KCNG2: variants seen among roughly 807,000 people sequenced by gnomAD.
KCNG2 encodes the protein voltage-gated potassium channel regulatory subunit KCNG2.
Under a neutral mutation model 12.3 loss-of-function variants are expected in KCNG2, and 7 were observed. The observed-to-expected ratio is 0.57, with a 90% CI of 0.32 to 1.07. The LOEUF (loss-of-function observed/expected upper bound fraction) is 1.07. KCNG2 is among the 50% of genes least tolerant of loss of function. The probability of loss-of-function intolerance (pLI) is 0.04; values close to 1 mark genes in which losing one functional copy is unlikely to be tolerated. For missense variants in KCNG2, 703 were observed against 726.0 expected (o/e 0.97, Z 0.36); for synonymous variants, 414 against 351.4 (o/e 1.18, Z -1.99).
At chr18:79,829,558 G>A (rs373927987) in intron 1 of KCNG2, among the ~76,000 whole-genome samples, 4 of 151,982 alleles carry the variant, frequency 2.6e-5, no homozygotes, top group South Asian at 2.1e-4. Context: ...GCCTCACATC[G>A]GTCCGTCTCT....
intron 3 of KCNG2, among the ~76,000 whole-genome samples, chr18:79,896,948 C>T (rs534141317): frequency 3.3e-5 from 5 of 152,216 alleles, no homozygotes; most frequent in African/African-American, 9.6e-5. Flanking sequence ...GTAAGTCAGC[C>T]GTTTATTTGT....
intron 1 of KCNG2, chr18:79,816,323 G>C (rs1436735011): frequency 1.3e-5 from 2 of 152,238 alleles, no homozygotes; most frequent in Non-Finnish European, 2.9e-5. Flanking sequence ...ACTTGGTAGC[G>C]GGGTCCTGAC....
Position 79,863,820 on chromosome 18 carries a change from C to T in KCNG2, c.153C>T (p.Gly51=), listed in dbSNP as rs760697442. The T allele has an allele frequency of 5.8e-6, 8 of 1,374,920 alleles. No homozygotes were observed. The South Asian group carries it at 1.2e-4, about 20-fold the overall frequency. The allele number at this position is 1,374,920 out of a possible 1,614,324, so 85.2% of individuals were successfully genotyped here. A position where few individuals can be genotyped will look rare whatever the true frequency, so the allele number is the denominator to read the frequency against. Residue 51 remains glycine, a synonymous_variant, in exon 3 of 4, where the codon GGC becomes GGT. Transcript: ENST00000316249. ...ARLERLRACR[G]HDDLLRVCDD... ...TGGAGCGCCTGCGCGCCTGCCGCGG[C>T]CACGACGACCTGCTGCGCGTGTGTG... is the stretch of plus-strand genomic sequence containing the variant.
Position 79,882,587 on chromosome 18 carries a change from T to A in KCNG2, c.625-16453T>A, listed in dbSNP as rs1356242981. On this transcript the variant is annotated intron_variant, in intron 3 of 3. Coordinates refer to ENST00000316249, the MANE Select transcript of KCNG2 (RefSeq NM_012283.2). Reference sequence around the variant, plus strand: ...TGGCAAATACAGCGCTGAACTGTTATTAGGGAAATACAGAGTTAAGCCACA... The same window carrying A: ...TGGCAAATACAGCGCTGAACTGTTAATAGGGAAATACAGAGTTAAGCCACA... Among the ~76,000 whole-genome samples the A allele has an allele frequency of 2.0e-5, 3 of 152,238 alleles. No homozygotes were observed. The East Asian group carries it at 5.8e-4, about 29-fold the overall frequency.
Position 79,899,411 on chromosome 18 carries a change from C to G in KCNG2, c.996C>G (p.Ala332=), listed in dbSNP as rs974406420. The G allele has an allele frequency of 4.4e-6, 7 of 1,585,862 alleles. No individual in the cohort carries two copies. In the African/African-American group the frequency reaches 9.5e-5, roughly 22 times the overall value. ...FGLLLLFLCV[A]MALFAPLVHL... is the part of the protein sequence containing the mutation. The stretch of plus-strand genomic sequence containing the variant: ...TGCTGCTGCTGTTCCTCTGCGTGGC[C>G]ATGGCGCTCTTCGCGCCACTGGTGC... The change falls in exon 4 of 4, where the codon GCC becomes GCG. Residue 332 remains alanine (A), a synonymous_variant. Transcript: ENST00000316249.
At chr18:79,833,064 ATTAC>A (rs753922177) in intron 1 of KCNG2, among the ~76,000 whole-genome samples, 1 of 152,154 alleles carries the variant, frequency 6.6e-6, no homozygotes, top group Non-Finnish European at 1.5e-5. Flanking sequence ...ATTTTTTCTT[ATTAC>A]TTCAGTGTTC....
At chr18:79,872,023 C>T (rs1320609763) in intron 3 of KCNG2, among the ~76,000 whole-genome samples, 2 of 152,146 alleles carry the variant, frequency 1.3e-5, no homozygotes, top group Admixed American at 1.3e-4. Flanking sequence ...GCACGTGCGG[C>T]CGGCCGCACA....
At chr18:79,837,053 C>A (rs928590298) in intron 1 of KCNG2, among the ~76,000 whole-genome samples, 9 of 152,166 alleles carry the variant, frequency 5.9e-5, no homozygotes, top group Non-Finnish European at 1.3e-4. Context: ...ACCTATGAAC[C>A]TGTAAAATCA....
intron 3 of KCNG2, among the ~76,000 whole-genome samples, chr18:79,866,594 TTGCTGAGGTCTGGG>T (rs1209784367): frequency 3.3e-5 from 3 of 91,752 alleles, no homozygotes; most frequent in African/African-American, 8.3e-5. Flanking sequence ...AGAGGTCTGG[TTGCTGAGGTCTGGG>T]TGCTGAGAGG....
rs1404542664 is a variant in KCNG2 at position 79,800,714 on chromosome 18, GGGCTGGTGCCTAT to G, written c.-115+2703_-115+2715del. Reference sequence around the variant, plus strand: ...GGGCGGCGCTGAGCAGACGGGAGGTGGGCTGGTGCCTATGGTTGCAGTCGGCCTGGCGTGTCCT... The same window carrying G: ...GGGCGGCGCTGAGCAGACGGGAGGTGGGTTGCAGTCGGCCTGGCGTGTCCT... On this transcript the variant is annotated intron_variant, in intron 1 of 3. Transcript: ENST00000316249. This position sits in a 1 kb window ranked among gnomAD's most constrained non-coding sequence, Gnocchi z 4.0. Among the ~76,000 whole-genome samples, 2 of 152,228 alleles carry G rather than the reference GGGCTGGTGCCTAT, an allele frequency of 1.3e-5. No homozygotes were observed. The highest frequency in any genetic ancestry group is 3.9e-4 in the East Asian group (2 of 5,188).
chr18:79,872,241 A>T, intron 3 of KCNG2, among the ~76,000 whole-genome samples: 1 of 150,834 alleles, frequency 6.6e-6, no homozygotes, highest in Admixed American at 6.6e-5. Flanking sequence ...AAAAAAAAAA[A>T]AAAGCTAAAA....
chr18:79,852,351 G>A (rs1978854160), intron 1 of KCNG2, among the ~76,000 whole-genome samples: 1 of 152,260 alleles, frequency 6.6e-6, no homozygotes, highest in African/African-American at 2.4e-5. Flanking sequence ...TCAACCCCAT[G>A]AGGAACATTT....
At chr18:79,847,114 C>A (rs1978653463) in intron 1 of KCNG2, among the ~76,000 whole-genome samples, 1 of 152,262 alleles carries the variant, frequency 6.6e-6, no homozygotes, top group Non-Finnish European at 1.5e-5. Flanking sequence ...TACTGCATGA[C>A]AAATGCTTTA....
chr18:79,864,338 G>T, intron 3 of KCNG2, 47 bp downstream of exon 3: 1 of 1,397,350 alleles, frequency 7.2e-7, no homozygotes, highest in South Asian at 1.3e-5. Flanking sequence ...GCTGGGGCTG[G>T]GCTGGGATCT....
rs182990301 is a variant in KCNG2, at chr18:79,871,289, T to A, written c.624+6998T>A. On this transcript the variant is annotated intron_variant, in intron 3 of 3. Transcript: ENST00000316249. ...TGCTTGCGTCTGTCGCAGCCTGTCC[T>A]GTGGGGGACCCTTGGAGCCCTGAAC... Among the ~76,000 whole-genome samples, 579 of 152,334 alleles carry A rather than the reference T, an allele frequency of 3.8e-3. 3 individuals are homozygous for A. Among genetic ancestry groups the A allele is most frequent in the Non-Finnish European group, 5.6e-3 (382 of 68,018 alleles).
chr18:79,801,867 G>T (rs1312951744), intron 1 of KCNG2, among the ~76,000 whole-genome samples: 1 of 152,196 alleles, frequency 6.6e-6, no homozygotes, highest in Non-Finnish European at 1.5e-5. Flanking sequence ...CCCCGCCCTC[G>T]CATGGAGGGA....
At chr18:79,851,840 G>T (rs1021901798) in intron 1 of KCNG2, among the ~76,000 whole-genome samples, 6 of 152,142 alleles carry the variant, frequency 3.9e-5, no homozygotes, top group Non-Finnish European at 8.8e-5. Flanking sequence ...GTGTGAATAT[G>T]AGTGTGTGTG....
intron 1 of KCNG2, among the ~76,000 whole-genome samples, chr18:79,798,932 C>T (rs931516042): frequency 1.6e-4 from 24 of 152,286 alleles, no homozygotes; most frequent in African/African-American, 5.3e-4. Flanking sequence ...AGCCCCCGCC[C>T]GCGCGCCTGG....
chr18:79,872,229 C>CAAA (rs747975244), intron 3 of KCNG2, among the ~76,000 whole-genome samples: 30,509 of 80,616 alleles, frequency 0.38, 4,575 homozygotes, highest in South Asian at 0.58. Context: ...TTTAGTCTGG[C>CAAA]AAAAAAAAAA....
Sources: allele counts gnomAD v4.1 joint callset (sites outside exome capture counted in the v4.1 genomes callset), GRCh38; gene constraint gnomAD v4.1.1; non-coding constraint Gnocchi (gnomAD v3.1); transcripts MANE v1.5; gene names NCBI Gene and HGNC (gene_info 2026-07-23, HGNC 2026-07-21).